NFRKB: variants seen among roughly 807,000 people sequenced by gnomAD.
NFRKB encodes nuclear factor related to kappaB binding protein.
A neutral mutation model predicts 135.7 loss-of-function variants in NFRKB; 62 were observed. The ratio of observed to expected loss-of-function variants is 0.46; its 90% CI spans 0.37 to 0.56. The LOEUF (loss-of-function observed/expected upper bound fraction) is 0.56. Among genes scored for constraint, NFRKB ranks in the 20% least tolerant of loss-of-function variants. NFRKB has a pLI of 0.00. For missense variants in NFRKB, 1,545 were observed against 1,662.0 expected, an observed-to-expected ratio of 0.93 and a Z score of 1.22; for synonymous variants, 678 against 635.6, an observed-to-expected ratio of 1.07 and a Z score of -1.00.
chr11:129,876,986 C>A, intron 16 of NFRKB, 91 bp from the exon 17 acceptor site: 1 of 1,211,360 alleles, frequency 8.3e-7, no homozygotes, highest in Non-Finnish European at 1.2e-6. Flanking sequence ...CCACATGGAA[C>A]AATTAAAACA....
In NFRKB at chr11:129,881,830, C is replaced by A; in HGVS notation, c.1215G>T (p.Trp405Cys). 1 of 1,609,994 alleles carries A rather than the reference C, an allele frequency of 6.2e-7. No homozygotes were observed. Among genetic ancestry groups the A allele is most frequent in the Non-Finnish European group, 8.5e-7 (1 of 1,178,348 alleles). Reference protein sequence around the residue: ...LPMLEERVLDWQSSPASSLNS... With the variant: ...LPMLEERVLDCQSSPASSLNS... ...TGAGGGAGCTGGCTGGCGATGACTG[C>A]CAATCCAAAACTCGCTCCTCTAGCT... The change falls in exon 12 of 27, where the codon TGG becomes TGT. Residue 405 changes from tryptophan to cysteine, a missense_variant. By Grantham distance (215) the Trp-to-Cys change is radical. This residue lies in a region of NFRKB where 678 missense variants were observed against 646.7 expected (regional missense o/e 1.05). Transcript: ENST00000682444.
chr11:129,886,220 T>C (rs1949269665), intron 5 of NFRKB, 97 bp downstream of exon 5: 6 of 1,421,154 alleles, frequency 4.2e-6, no homozygotes, highest in South Asian at 2.7e-5. Flanking sequence ...CATTTTTTTC[T>C]TCGTGGCAAT....
intron 23 of NFRKB, 61 bp downstream of exon 23, chr11:129,872,823 C>T: frequency 6.7e-7 from 1 of 1,502,644 alleles, no homozygotes; most frequent in Non-Finnish European, 9.0e-7. Context: ...GAACCTCCAG[C>T]TCCAGTGGTC....
chr11:129,885,627 G>C lies in NFRKB; in HGVS notation c.466-18C>G, dbSNP rs770016393. 3.1e-6 allele frequency: 5 copies of C among 1,590,044 alleles called. No homozygotes were observed. Among genetic ancestry groups the C allele is most frequent in the Non-Finnish European group, 3.4e-6 (4 of 1,163,948 alleles). On this transcript the variant is annotated intron_variant, in intron 5 of 26. Transcript: ENST00000682444. ...AGCAGATCCTAGGTAGAGATCAGGT[G>C]GGGGTACAAGTCATCATCCAAGACC...
chr11:129,868,850 GTC>G (rs1948346608), intron 24 of NFRKB, among the ~76,000 whole-genome samples: 1 of 152,116 alleles, frequency 6.6e-6, no homozygotes, highest in Non-Finnish European at 1.5e-5. Flanking sequence ...GAGAAACCCT[GTC>G]TCTACTAAAA....
chr11:129,881,295 T>G (rs576501728), intron 13 of NFRKB, 148 bp downstream of exon 13: 1 of 709,636 alleles, frequency 1.4e-6, no homozygotes, highest in Non-Finnish European at 2.4e-6. Flanking sequence ...AAAAAGGGTG[T>G]TGAAGGACTC....
At chr11:129,876,145 C>T (rs1378453749) in intron 17 of NFRKB, among the ~76,000 whole-genome samples, 1 of 152,222 alleles carries the variant, frequency 6.6e-6, no homozygotes, top group Non-Finnish European at 1.5e-5. Context: ...TCATATATTA[C>T]AGCTACTGCA....
At chr11:129,892,138 A>AT in intron 3 of NFRKB, among the ~76,000 whole-genome samples, 1 of 151,488 alleles carries the variant, frequency 6.6e-6, no homozygotes, top group Non-Finnish European at 1.5e-5. Context: ...TATTTCTGAG[A>AT]TTTTGGTGCG....
intron 24 of NFRKB, among the ~76,000 whole-genome samples, chr11:129,868,485 A>G (rs1056955802): frequency 1.3e-5 from 2 of 152,244 alleles, no homozygotes; most frequent in Middle Eastern, 3.2e-3. Context: ...GATGGGGCAC[A>G]TGTGGATGTG....
chr11:129,871,617 C>G (rs1465950352), intron 23 of NFRKB, among the ~76,000 whole-genome samples: 5 of 152,190 alleles, frequency 3.3e-5, no homozygotes, highest in African/African-American at 4.8e-5. Context: ...CAGCAAACCG[C>G]ACTGGCTCCC....
At chr11:129,893,060 A>C (rs1949628494) in intron 2 of NFRKB, 190 bp from the exon 3 acceptor site, 1 of 1,429,888 alleles carries the variant, frequency 7.0e-7, no homozygotes, top group Non-Finnish European at 9.1e-7. Context: ...TTCAAGTCTT[A>C]CCTGGAAGAG....
rs192639684 is a variant in NFRKB, at chr11:129,878,140, G to A, written c.1511+169C>T. 5.9e-5 allele frequency among the ~76,000 whole-genome samples: 9 copies of A among 152,266 alleles called. No individual in the cohort carries two copies. In the East Asian group the frequency reaches 1.4e-3, roughly 23 times the overall value. ...TCTCCACCACAGCCCCTTCCACAAG[G>A]AGTCCCGTTCACTCAGGGGGTGCGG... On this transcript the variant is annotated intron_variant, in intron 15 of 26. Transcript: ENST00000682444.
chr11:129,867,892 CT>C (rs1217069731), intron 24 of NFRKB, among the ~76,000 whole-genome samples: 4 of 152,148 alleles, frequency 2.6e-5, no homozygotes, highest in Non-Finnish European at 5.9e-5. Flanking sequence ...TAAATGCAGC[CT>C]TTCAAGCTAG....
At position 129,864,693 on chromosome 11, in the gene NFRKB, T is replaced by A. The variant is rs1446638783; in HGVS notation, c.*32A>T. ...CTTCTCAGCCAGGACAGACCAGGCA[T>A]GGTCTTTCACGGAAGCCATCCTCTC... On this transcript the variant is annotated 3_prime_UTR_variant, in exon 27 of 27. Transcript: ENST00000682444. The A allele has an allele frequency of 6.8e-6, 11 of 1,613,680 alleles. No individual in the cohort carries two copies. The highest frequency in any genetic ancestry group is 8.5e-6 in the Non-Finnish European group (10 of 1,179,954).
intron 4 of NFRKB, among the ~76,000 whole-genome samples, chr11:129,886,829 C>T (rs562168747): frequency 2.0e-5 from 3 of 152,282 alleles, no homozygotes; most frequent in African/African-American, 7.2e-5. Context: ...ATGGAAGGTC[C>T]CTTACAGAGC....
At position 129,874,986 on chromosome 11, in the gene NFRKB, A is replaced by G; in HGVS notation, c.1855-70T>C. 6.3e-7 allele frequency: 1 copy of G among 1,580,772 alleles called. No individual in the cohort carries two copies. The highest frequency in any genetic ancestry group is 8.7e-7 in the Non-Finnish European group (1 of 1,154,124). On this transcript the variant is annotated intron_variant, in intron 18 of 26. Transcript: ENST00000682444. The surrounding 1 kb of genome is among the most constrained non-coding windows in gnomAD (Gnocchi z 4.5). ...TAACAGAAGTTATTTGAACTCTAGGAAAAAAATGTCATTGTATCTAAATCA... is the reference window on the plus strand; with the variant it reads ...TAACAGAAGTTATTTGAACTCTAGGGAAAAAATGTCATTGTATCTAAATCA...
At position 129,874,226 on chromosome 11, in the gene NFRKB, A is replaced by T; in HGVS notation, c.2166T>A (p.Pro722=). Residue 722 remains proline (P), a synonymous_variant, in exon 21 of 27, where the codon CCT becomes CCA. Coordinates refer to ENST00000682444, the MANE Select transcript of NFRKB (RefSeq NM_001143835.2). This position sits in a 1 kb window ranked among gnomAD's most constrained non-coding sequence, Gnocchi z 4.5. The part of the protein sequence containing the change: ...DSSMPPTPVT[P]VTPTTPALPA... ...GCAATGCTGGTGTGGTGGGGGTTACAGGTGTGACTGGGGTGGGTGGCATAC... is the reference window on the plus strand; with the variant it reads ...GCAATGCTGGTGTGGTGGGGGTTACTGGTGTGACTGGGGTGGGTGGCATAC... 1 of 1,519,288 alleles carries T rather than the reference A, an allele frequency of 6.6e-7. No homozygotes were observed. Among genetic ancestry groups the T allele is most frequent in the Non-Finnish European group, 8.8e-7 (1 of 1,136,308 alleles). 94.1% of individuals were successfully genotyped at this position (1,519,288 alleles called of 1,614,324 possible).
In NFRKB at chr11:129,874,003, C is replaced by T; in HGVS notation, c.2292G>A (p.Val764=). ...CCAGATGTGGCATTGTTGGTGAAGA[C>T]ACCAGAAGAACACTATGAAGAACAT... ...PAKSSSGVLL[V]SSPTMPHLGT... The change falls in exon 22 of 27, where the codon GTG becomes GTA. Residue 764 remains valine (V), a synonymous_variant. Transcript: ENST00000682444. The surrounding 1 kb of genome is among the most constrained non-coding windows in gnomAD (Gnocchi z 4.5). 1 of 1,612,664 alleles carries T rather than the reference C, an allele frequency of 6.2e-7. No individual in the cohort carries two copies. Among genetic ancestry groups the T allele is most frequent in the Non-Finnish European group, 8.5e-7 (1 of 1,179,620 alleles).
Position 129,892,718 on chromosome 11 carries a change from C to G in NFRKB, c.132G>C (p.Glu44Asp). ...TCACAACCGTGTTACTACTCACATCCTCCAGAAGGTCCTCGGGCAGACTAA... is the reference window on the plus strand; with the variant it reads ...TCACAACCGTGTTACTACTCACATCGTCCAGAAGGTCCTCGGGCAGACTAA... ...TRVSLPEDLLEDPEIFFDVVS... is the reference protein window; with the variant it reads ...TRVSLPEDLLDDPEIFFDVVS... The change falls in exon 3 of 27, where the codon GAG becomes GAC. Residue 44 changes from glutamate to aspartate, a missense_variant. Physicochemically the swap from Glu to Asp is conservative, Grantham distance 45. This residue lies in a region of NFRKB where 678 missense variants were observed against 646.7 expected (regional missense o/e 1.05). Transcript: ENST00000682444. 6.2e-7 allele frequency: 1 copy of G among 1,613,616 alleles called. No homozygotes were observed. The highest frequency in any genetic ancestry group is 8.5e-7 in the Non-Finnish European group (1 of 1,180,006).
Sources: allele counts gnomAD v4.1 joint callset (sites outside exome capture counted in the v4.1 genomes callset), GRCh38; gene constraint gnomAD v4.1.1; regional missense constraint gnomAD v4.1.1; non-coding constraint Gnocchi (gnomAD v3.1); transcripts MANE v1.5; gene names NCBI Gene and HGNC (gene_info 2026-07-23, HGNC 2026-07-21).